DNAH6: variants seen among roughly 807,000 people sequenced by gnomAD.
DNAH6 encodes the protein dynein axonemal heavy chain 6.
DNAH6 carries 340 observed loss-of-function variants against 491.4 expected under a neutral mutation model. That is an observed-to-expected ratio of 0.69 (90% CI 0.63 to 0.76). The LOEUF (loss-of-function observed/expected upper bound fraction) is 0.76. DNAH6 is among the 30% of genes least tolerant of loss of function. The probability of loss-of-function intolerance (pLI) is 0.00; values close to 1 mark genes in which losing one functional copy is unlikely to be tolerated. For missense variants in DNAH6, 4,443 were observed against 4,972.2 expected, an observed-to-expected ratio of 0.89 and a Z score of 3.20; for synonymous variants, 1,603 against 1,686.1, an observed-to-expected ratio of 0.95 and a Z score of 1.21.
intron 72 of DNAH6, among the ~76,000 whole-genome samples, chr2:84,811,405 A>G (rs1023682516): frequency 6.6e-6 from 1 of 152,200 alleles, no homozygotes; most frequent in Non-Finnish European, 1.5e-5. Context: ...CCAGGTGGCA[A>G]ACATCGCCCT....
chr2:84,611,931 G>T, intron 22 of DNAH6, 77 bp downstream of exon 22: 1 of 1,265,614 alleles, frequency 7.9e-7, no homozygotes, highest in Non-Finnish European at 1.1e-6. Flanking sequence ...AGACTAAAAT[G>T]TTTCTCTGGG....
At chr2:84,741,872 T>A (rs1445656265) in intron 62 of DNAH6, among the ~76,000 whole-genome samples, 2 of 152,232 alleles carry the variant, frequency 1.3e-5, no homozygotes, top group Admixed American at 1.3e-4. Context: ...AAGGCCCTAG[T>A]GGGTCAAGGG....
At chr2:84,673,707 T>C (rs985110494) in intron 40 of DNAH6, among the ~76,000 whole-genome samples, 3 of 152,204 alleles carry the variant, frequency 2.0e-5, no homozygotes, top group African/African-American at 7.2e-5. Context: ...GGGAGAAAGA[T>C]GTAGGCTGGG....
At chr2:84,782,567 T>G (rs11693309) in intron 65 of DNAH6, among the ~76,000 whole-genome samples, 4,103 of 152,296 alleles carry the variant, frequency 0.027, 79 homozygotes, top group South Asian at 0.06. Context: ...CTAAAAGCCC[T>G]TCACTTCCTG....
chr2:84,592,633 C>T (rs560566135), intron 16 of DNAH6, among the ~76,000 whole-genome samples: 4 of 152,246 alleles, frequency 2.6e-5, no homozygotes, highest in Admixed American at 6.5e-5. Context: ...TTTGCACTCC[C>T]GTGTTCATTG....
Position 84,706,915 on chromosome 2 carries a change from T to A in DNAH6, c.8747T>A (p.Met2916Lys), listed in dbSNP as rs1696512920. ...RAAQAELDIT[M>K]ATLREKQALL... ...TATTAGGCTGAACTTGACATTACCA[T>A]GGCTACCCTGAGAGAAAAGCAAGCA... The change falls in exon 53 of 77, where the codon ATG becomes AAG. Residue 2916 changes from methionine to lysine, a missense_variant. Met to Lys is a moderately conservative substitution (Grantham distance 95). Around this residue, in one of 3 missense-constraint regions of DNAH6, gnomAD observed 1,463 missense variants for 1,656.6 expected, o/e 0.88. Transcript: ENST00000389394. The A allele has an allele frequency of 6.5e-7, 1 of 1,543,382 alleles. No homozygotes were observed. The highest frequency in any genetic ancestry group is 1.4e-5 in the African/African-American group (1 of 72,638).
intron 37 of DNAH6, among the ~76,000 whole-genome samples, chr2:84,667,239 T>C (rs1202801731): frequency 6.6e-6 from 1 of 152,048 alleles, no homozygotes; most frequent in Non-Finnish European, 1.5e-5. Flanking sequence ...AAAGCCAAAA[T>C]TGACAAATGG....
intron 64 of DNAH6, among the ~76,000 whole-genome samples, chr2:84,778,481 A>G (rs960218811): frequency 2.6e-5 from 4 of 151,172 alleles, no homozygotes; most frequent in African/African-American, 7.3e-5. Flanking sequence ...CTAATTCTCA[A>G]TGTAGGAATT....
rs146306207 is a variant in DNAH6 at position 84,699,622 on chromosome 2, G to A, written c.7706G>A (p.Arg2569His). 5.5e-4 allele frequency: 860 copies of A among 1,551,232 alleles called. 5 individuals carry two copies. The highest frequency in any genetic ancestry group is 2.7e-4 in the East Asian group (11 of 40,914). The stretch of plus-strand genomic sequence containing the variant: ...TTTCAATACTTTATCAGCAAAGTGC[G>A]TCAGAAGCTGCACATTGTTCTCTGC... ...EVFQYFISKVRQKLHIVLCMS... is the reference protein window; with the variant it reads ...EVFQYFISKVHQKLHIVLCMS... The change falls in exon 48 of 77, where the codon CGT (arginine) becomes CAT (histidine). Residue 2569 changes from arginine (R) to histidine (H), a missense_variant. Coordinates refer to ENST00000389394, the MANE Select transcript of DNAH6 (RefSeq NM_001370.2).
intron 13 of DNAH6, among the ~76,000 whole-genome samples, chr2:84,578,464 G>A (rs1682694756): frequency 6.6e-6 from 1 of 152,080 alleles, no homozygotes; most frequent in Non-Finnish European, 1.5e-5. Context: ...TCCAGAGATT[G>A]GGTCGATATC....
chr2:84,667,155 A>G (rs1692213920), intron 37 of DNAH6, among the ~76,000 whole-genome samples: 2 of 152,108 alleles, frequency 1.3e-5, no homozygotes, highest in South Asian at 4.1e-4. Flanking sequence ...CTAGAAGAAA[A>G]CCTAGGCAAT....
the DNAH6 span, among the ~76,000 whole-genome samples, chr2:84,494,882 A>G: frequency 0.85 from 129,369 of 152,182 alleles, 56,361 homozygotes; most frequent in East Asian, 0.99. Context: ...AGATTGATTC[A>G]TGAGGTCTGG....
In DNAH6 at chr2:84,797,551, C is replaced by T; in HGVS notation, c.11374C>T (p.Pro3792Ser). 6.4e-7 allele frequency: 1 copy of T among 1,551,652 alleles called. No individual in the cohort carries two copies. The highest frequency in any genetic ancestry group is 8.7e-7 in the Non-Finnish European group (1 of 1,146,858). ...KYSESGIYFA[P>S]MADSLQEFKD... is the part of the protein sequence containing the mutation. ...TTTAATAACAGGCATCTATTTTGCACCCATGGCTGACAGCCTACAAGAGTT... is the reference window on the plus strand; with the variant it reads ...TTTAATAACAGGCATCTATTTTGCATCCATGGCTGACAGCCTACAAGAGTT... The change falls in exon 70 of 77, where the codon CCC becomes TCC. Residue 3792 changes from proline to serine, a missense_variant. By Grantham distance (74) the Pro-to-Ser change is moderately conservative. Around this residue, in one of 3 missense-constraint regions of DNAH6, gnomAD observed 1,463 missense variants for 1,656.6 expected, o/e 0.88. Coordinates refer to ENST00000389394, the MANE Select transcript of DNAH6 (RefSeq NM_001370.2).
At chr2:84,749,714 A>G (rs1353201301) in intron 63 of DNAH6, among the ~76,000 whole-genome samples, 2 of 152,250 alleles carry the variant, frequency 1.3e-5, no homozygotes, top group African/African-American at 4.8e-5. Context: ...GAAAGTCTCC[A>G]GTGAATATGG....
At chr2:84,500,441 T>C in the DNAH6 span, among the ~76,000 whole-genome samples, 2 of 152,234 alleles carry the variant, frequency 1.3e-5, no homozygotes, top group Admixed American at 1.3e-4. Flanking sequence ...AGCTCTGTAG[T>C]ATAAACTGAA....
intron 29 of DNAH6, among the ~76,000 whole-genome samples, chr2:84,632,495 GT>G (rs1165465768): frequency 6.6e-6 from 1 of 152,192 alleles, no homozygotes; most frequent in African/African-American, 2.4e-5. Flanking sequence ...CAAAGAGTCT[GT>G]GTCACAGATC....
intron 5 of DNAH6, among the ~76,000 whole-genome samples, chr2:84,544,844 C>T (rs1207096469): frequency 1.3e-5 from 2 of 152,114 alleles, no homozygotes; most frequent in Non-Finnish European, 2.9e-5. Context: ...ATTACCTCCC[C>T]TCATCTTTGA....
At chr2:84,690,033 A>C (rs952269248) in intron 45 of DNAH6, among the ~76,000 whole-genome samples, 1 of 152,144 alleles carries the variant, frequency 6.6e-6, no homozygotes, top group Non-Finnish European at 1.5e-5. Flanking sequence ...GCACTTTATA[A>C]TTTTTCAATG....
At chr2:84,547,456 C>A in intron 6 of DNAH6, 36 bp from the exon 7 acceptor site, 1 of 1,551,350 alleles carries the variant, frequency 6.4e-7, no homozygotes, top group Non-Finnish European at 8.7e-7. Flanking sequence ...TTTGATACTT[C>A]AGTATCACTA....
Sources: allele counts gnomAD v4.1 joint callset (sites outside exome capture counted in the v4.1 genomes callset), GRCh38; gene constraint gnomAD v4.1.1; regional missense constraint gnomAD v4.1.1; transcripts MANE v1.5; gene names NCBI Gene and HGNC (gene_info 2026-07-23, HGNC 2026-07-21).